The following ULK4 variants were observed in gnomAD, a reference collection of about 807,000 sequenced individuals.
The protein encoded by ULK4 is unc-51 like kinase 4.
ULK4 carries 133 observed loss-of-function variants against 160.6 expected under a neutral mutation model. That is an observed-to-expected ratio of 0.83 (90% confidence interval 0.72 to 0.96). ULK4 has a LOEUF of 0.96. Among genes scored for constraint, ULK4 ranks in the 40% least tolerant of loss-of-function variants. The probability of loss-of-function intolerance (pLI) is 0.00; values close to 1 mark genes in which losing one functional copy is unlikely to be tolerated. For missense variants in ULK4, 1,580 were observed against 1,499.5 expected, an observed-to-expected ratio of 1.05 and a Z score of -0.89; for synonymous variants, 534 against 539.8, an observed-to-expected ratio of 0.99 and a Z score of 0.15.
chr3:41,602,862 C>T (rs547686117), intron 31 of ULK4, among the ~76,000 whole-genome samples: 9 of 151,978 alleles, frequency 5.9e-5, no homozygotes, highest in African/African-American at 1.2e-4. Context: ...TCCTCAAAAA[C>T]GCTACAGACA....
At chr3:41,420,783 C>A (rs2125836231) in intron 34 of ULK4, among the ~76,000 whole-genome samples, 1 of 150,652 alleles carries the variant, frequency 6.6e-6, no homozygotes, top group South Asian at 2.1e-4. Flanking sequence ...CCGTGCCCGG[C>A]CTGGTTCTTT....
intron 35 of ULK4, among the ~76,000 whole-genome samples, chr3:41,336,538 G>A (rs550221079): frequency 5.3e-5 from 8 of 152,322 alleles, no homozygotes; most frequent in African/African-American, 4.8e-5. Context: ...GCCTTATGGC[G>A]TAAGGCGAGA....
At chr3:41,678,133 C>T (rs1014664137) in intron 29 of ULK4, among the ~76,000 whole-genome samples, 12 of 151,580 alleles carry the variant, frequency 7.9e-5, no homozygotes, top group African/African-American at 2.7e-4. Flanking sequence ...TTCTCAACCT[C>T]TGTAATCACG....
chr3:41,452,224 C>T (rs568506036), intron 34 of ULK4, among the ~76,000 whole-genome samples: 1 of 152,294 alleles, frequency 6.6e-6, no homozygotes, highest in East Asian at 1.9e-4. Flanking sequence ...GCTCCCTAGG[C>T]AGCACCTAGG....
chr3:41,428,884 G>C (rs1366889399), intron 34 of ULK4, among the ~76,000 whole-genome samples: 1 of 152,100 alleles, frequency 6.6e-6, no homozygotes. Flanking sequence ...AAAAGCTATT[G>C]CAACAAAGGA....
intron 17 of ULK4, 28 bp downstream of exon 17, chr3:41,883,846 A>G (rs763294785): frequency 1.2e-5 from 18 of 1,548,766 alleles, no homozygotes; most frequent in Non-Finnish European, 1.3e-5. Flanking sequence ...CTTGACATTC[A>G]TCACATTTAA....
At chr3:41,297,898 G>A (rs979022834) in intron 35 of ULK4, among the ~76,000 whole-genome samples, 2 of 152,190 alleles carry the variant, frequency 1.3e-5, no homozygotes, top group African/African-American at 4.8e-5. Flanking sequence ...GGTCACAAAG[G>A]ATGATGCTTT....
At chr3:41,592,014 A>G (rs534166274) in intron 31 of ULK4, among the ~76,000 whole-genome samples, 20 of 152,322 alleles carry the variant, frequency 1.3e-4, no homozygotes, top group African/African-American at 4.3e-4. Context: ...TTGCATCCGG[A>G]ACTTTTGTTC....
chr3:41,956,451 C>T (rs1348329587), intron 1 of ULK4, among the ~76,000 whole-genome samples: 1 of 152,110 alleles, frequency 6.6e-6, no homozygotes, highest in African/African-American at 2.4e-5. Context: ...TCATTCTTTC[C>T]TTGCTGTGCT....
intron 32 of ULK4, among the ~76,000 whole-genome samples, chr3:41,492,997 C>T (rs531772468): frequency 1.3e-3 from 178 of 138,412 alleles, no homozygotes; most frequent in Non-Finnish European, 2.4e-3. Context: ...TAACACCCCA[C>T]TGTCAACATT....
At chr3:41,830,878 G>A (rs1449010988) in intron 18 of ULK4, among the ~76,000 whole-genome samples, 2 of 151,970 alleles carry the variant, frequency 1.3e-5, no homozygotes, top group African/African-American at 2.4e-5. Context: ...TGATGTCAAG[G>A]CCTTGAGGGT....
At chr3:41,265,841 G>A (rs1041648652) in intron 35 of ULK4, among the ~76,000 whole-genome samples, 1 of 152,136 alleles carries the variant, frequency 6.6e-6, no homozygotes, top group Non-Finnish European at 1.5e-5. Flanking sequence ...ACCTCCAAGA[G>A]ACAGGTCCAC....
intron 35 of ULK4, among the ~76,000 whole-genome samples, chr3:41,378,530 G>A (rs1022535938): frequency 2.6e-5 from 4 of 151,512 alleles, no homozygotes; most frequent in Middle Eastern, 3.5e-3. Context: ...ACTATCGCAA[G>A]GACAAAAAAC....
intron 27 of ULK4, among the ~76,000 whole-genome samples, chr3:41,694,778 T>C (rs1465093642): frequency 5.3e-5 from 8 of 152,236 alleles, no homozygotes; most frequent in Non-Finnish European, 7.3e-5. Context: ...AAATTTGTAT[T>C]ATTTTTATTG....
intron 34 of ULK4, among the ~76,000 whole-genome samples, chr3:41,431,141 G>A (rs2082894724): frequency 6.6e-6 from 1 of 152,004 alleles, no homozygotes; most frequent in South Asian, 2.1e-4. Context: ...CGAAGTCAAG[G>A]GATGAAGACT....
chr3:41,926,401 C>A (rs1612124), intron 5 of ULK4, among the ~76,000 whole-genome samples: 111,123 of 152,088 alleles, frequency 0.73, 42,226 homozygotes, highest in East Asian at 0.83. Flanking sequence ...GAAACCAGCA[C>A]AAAAACGCTG....
chr3:41,944,791 T>C (rs538738872), intron 2 of ULK4, among the ~76,000 whole-genome samples: 1 of 152,196 alleles, frequency 6.6e-6, no homozygotes, highest in East Asian at 1.9e-4. Context: ...CCCACCACTT[T>C]CTGAAACCAC....
At chr3:41,465,628 C>CTTG (rs773031838) in intron 32 of ULK4, among the ~76,000 whole-genome samples, 4 of 152,028 alleles carry the variant, frequency 2.6e-5, no homozygotes, top group Non-Finnish European at 4.4e-5. Flanking sequence ...GAACAGTTTT[C>CTTG]TTGTAGATTT....
chr3:41,692,178 C>T (rs2036327257), intron 27 of ULK4, among the ~76,000 whole-genome samples: 2 of 151,418 alleles, frequency 1.3e-5, no homozygotes, highest in Non-Finnish European at 2.9e-5. Flanking sequence ...GTCTCGATCT[C>T]CTGACCTCGT....
Sources: gnomAD v4.1 joint callset for allele counts (sites outside exome capture counted in the v4.1 genomes callset) on GRCh38, gnomAD v4.1.1 for gene constraint, MANE v1.5 for transcripts, NCBI Gene and HGNC (gene_info 2026-07-23, HGNC 2026-07-21) for gene names.